TSPEAR: variants seen among roughly 807,000 people sequenced by gnomAD.
TSPEAR encodes the protein thrombospondin type laminin G domain and EAR repeats.
A neutral mutation model predicts 71.6 loss-of-function variants in TSPEAR; 69 were observed. The observed-to-expected ratio is 0.96, with a 90% CI of 0.79 to 1.18. The LOEUF is 1.18. TSPEAR is among the 50% of genes most tolerant of loss of function. The pLI, the probability that TSPEAR is intolerant of heterozygous loss-of-function variation, is 0.00. For synonymous variants in TSPEAR, 402 were observed against 387.2 expected, an observed-to-expected ratio of 1.04 and a Z score of -0.45; for missense variants, 971 against 894.9, an observed-to-expected ratio of 1.09 and a Z score of -1.09.
chr21:44,627,564 T>G (rs1404942321), intron 1 of TSPEAR: 1 of 1,610,424 alleles, frequency 6.2e-7, no homozygotes, highest in African/African-American at 1.4e-5. Flanking sequence ...CAGCTTGCTG[T>G]GCCTCTTCCT....
chr21:44,578,657 G>A (rs587666605), intron 1 of TSPEAR, among the ~76,000 whole-genome samples: 27 of 152,266 alleles, frequency 1.8e-4, no homozygotes, highest in African/African-American at 6.0e-4. Context: ...CCCACGCCTT[G>A]ACCCTGAGAT....
At chr21:44,706,029 C>G (rs983918615) in intron 1 of TSPEAR, among the ~76,000 whole-genome samples, 1 of 152,144 alleles carries the variant, frequency 6.6e-6, no homozygotes, top group Non-Finnish European at 1.5e-5. Context: ...ATTTCTCAAG[C>G]CAGTCGATGC....
intron 2 of TSPEAR, chr21:44,551,178 G>A (rs782364167): frequency 1.3e-5 from 21 of 1,568,248 alleles, no homozygotes; most frequent in Non-Finnish European, 1.6e-5. Flanking sequence ...CTGCTGGCAG[G>A]GGGAGGAGGT....
At chr21:44,708,609 G>C (rs1161425973) in intron 1 of TSPEAR, among the ~76,000 whole-genome samples, 3 of 152,202 alleles carry the variant, frequency 2.0e-5, no homozygotes, top group Non-Finnish European at 4.4e-5. Context: ...GCCTTCTCCA[G>C]CTCCTGGGAT....
intron 9 of TSPEAR, among the ~76,000 whole-genome samples, chr21:44,515,177 T>C (rs1389141323): frequency 6.6e-6 from 1 of 152,232 alleles, no homozygotes; most frequent in East Asian, 1.9e-4. Context: ...AAGACATCTC[T>C]AGGACCTAAA....
At chr21:44,607,917 G>C (rs1348985347) in intron 1 of TSPEAR, among the ~76,000 whole-genome samples, 2 of 152,216 alleles carry the variant, frequency 1.3e-5, no homozygotes, top group Non-Finnish European at 2.9e-5. Flanking sequence ...AATGTTTAAA[G>C]ATGCTTTTGC....
intron 8 of TSPEAR, among the ~76,000 whole-genome samples, chr21:44,522,988 CAGAT>C (rs1442919049): frequency 5.3e-5 from 8 of 152,202 alleles, no homozygotes; most frequent in Non-Finnish European, 8.8e-5. Flanking sequence ...GTCAGTCAGT[CAGAT>C]AGTCAGTCAT....
chr21:44,586,964 T>C lies in TSPEAR; in HGVS notation c.83-18959A>G, dbSNP rs1044201157. The stretch of plus-strand genomic sequence containing the variant: ...ATGGGGAGAAGTTGAAAGCACTCCC[T>C]CTGAGAACTGCAAAAATGTAGGGAT... On this transcript the variant is annotated intron_variant, in intron 1 of 11. Coordinates refer to ENST00000323084, the MANE Select transcript of TSPEAR (RefSeq NM_144991.3). 8.5e-5 allele frequency among the ~76,000 whole-genome samples: 13 copies of C among 152,258 alleles called. No individual in the cohort carries two copies. The South Asian group carries it at 2.7e-3, about 32-fold the overall frequency.
chr21:44,580,563 T>C (rs1555924969), intron 1 of TSPEAR: 3 of 1,611,952 alleles, frequency 1.9e-6, no homozygotes, highest in Non-Finnish European at 2.5e-6. Flanking sequence ...CAGACGGACA[T>C]GGTGCACGCG....
chr21:44,529,226 G>A (rs11911668), intron 5 of TSPEAR, among the ~76,000 whole-genome samples: 6,529 of 152,282 alleles, frequency 0.043, 478 homozygotes, highest in African/African-American at 0.15. Context: ...GTGGGGATGC[G>A]GCGGGGAGGG....
At chr21:44,694,501 G>C (rs575548319) in intron 1 of TSPEAR, among the ~76,000 whole-genome samples, 10 of 152,284 alleles carry the variant, frequency 6.6e-5, no homozygotes, top group African/African-American at 2.4e-4. Flanking sequence ...GGTGGTGGTT[G>C]CACAGCACTG....
At chr21:44,599,280 GT>G (rs1980612349) in intron 1 of TSPEAR, among the ~76,000 whole-genome samples, 2 of 152,210 alleles carry the variant, frequency 1.3e-5, no homozygotes, top group Admixed American at 1.3e-4. Context: ...TCATCCCACC[GT>G]GTAACTGAAT....
At chr21:44,689,739 A>ATATATATTTTTTTTTTTTTT (rs1555949531) in intron 1 of TSPEAR, among the ~76,000 whole-genome samples, 9 of 128,170 alleles carry the variant, frequency 7.0e-5, no homozygotes, top group African/African-American at 2.5e-4. Context: ...ATATATATAT[A>ATATATATTTTTTTTTTTTTT]TTTTGGGGGG....
chr21:44,554,965 C>T (rs2053502263), intron 2 of TSPEAR, among the ~76,000 whole-genome samples: 1 of 152,144 alleles, frequency 6.6e-6, no homozygotes, highest in African/African-American at 2.4e-5. Context: ...ATTGCGGTTC[C>T]ATTCCTCACT....
intron 1 of TSPEAR, among the ~76,000 whole-genome samples, chr21:44,706,711 A>G (rs1437379719): frequency 6.6e-6 from 1 of 152,154 alleles, no homozygotes; most frequent in African/African-American, 2.4e-5. Flanking sequence ...AGATGCTGGG[A>G]CGGGGGCAGG....
chr21:44,629,735 C>A (rs1555935362), intron 1 of TSPEAR, among the ~76,000 whole-genome samples: 1 of 152,220 alleles, frequency 6.6e-6, no homozygotes, highest in Non-Finnish European at 1.5e-5. Context: ...CTCACATGGA[C>A]TCCTTCACCT....
chr21:44,570,351 A>G (rs2053775144), intron 1 of TSPEAR, among the ~76,000 whole-genome samples: 1 of 152,196 alleles, frequency 6.6e-6, no homozygotes, highest in South Asian at 2.1e-4. Context: ...CTGGGAGTGG[A>G]CACCCAAGGG....
At position 44,708,007 on chromosome 21, in the gene TSPEAR, GCACACACACACACACA is replaced by G. The variant is rs58196199; in HGVS notation, c.82+3410_82+3425del. ...TTCCCCCCCTCCCCGCCCCGCGCGT[GCACACACACACACACA>G]CACACACACACACACACACACACCA... On this transcript the variant is annotated intron_variant, in intron 1 of 11. Coordinates refer to ENST00000323084, the MANE Select transcript of TSPEAR (RefSeq NM_144991.3). 1.7e-3 allele frequency among the ~76,000 whole-genome samples: 207 copies of G among 122,330 alleles called. 1 individual carries two copies. The highest frequency in any genetic ancestry group is 1.5e-3 in the Non-Finnish European group (89 of 60,500). 80.3% of individuals were successfully genotyped at this position (122,330 alleles called of 152,430 possible). A position where few individuals can be genotyped will look rare whatever the true frequency, so the allele number is the denominator to read the frequency against.
At position 44,695,150 on chromosome 21, in the gene TSPEAR, C is replaced by T. The variant is rs117460786; in HGVS notation, c.82+16283G>A. Among the ~76,000 whole-genome samples the T allele has an allele frequency of 2.0e-5, 3 of 152,328 alleles. No homozygotes were observed. In the East Asian group the frequency reaches 5.8e-4, roughly 29 times the overall value. On this transcript the variant is annotated intron_variant, in intron 1 of 11. Transcript: ENST00000323084. The surrounding 1 kb of genome is among the most constrained non-coding windows in gnomAD (Gnocchi z 4.5). ...CCAAATAAAATAACAAGAGACAGTG[C>T]CCTCCAAACTGTGGGGAACCTATCC...
Sources: gnomAD v4.1 joint callset for allele counts (sites outside exome capture counted in the v4.1 genomes callset) on GRCh38, gnomAD v4.1.1 for gene constraint, Gnocchi (gnomAD v3.1) non-coding constraint, MANE v1.5 for transcripts, NCBI Gene and HGNC (gene_info 2026-07-23, HGNC 2026-07-21) for gene names.